MMEL1: variants seen among roughly 807,000 people sequenced by gnomAD.
The protein encoded by MMEL1 is membrane metallo-endopeptidase-like 1.
In MMEL1, 98 loss-of-function variants were observed where a neutral mutation model predicts 117.1. The observed-to-expected ratio is 0.84, with a 90% CI of 0.71 to 0.99. The LOEUF (loss-of-function observed/expected upper bound fraction) is 0.99. MMEL1 is among the 50% of genes least tolerant of loss of function. MMEL1 has a pLI of 0.00. For synonymous variants in MMEL1, 390 were observed against 415.1 expected (o/e 0.94, Z 0.74); for missense variants, 1,014 against 1,049.1 (o/e 0.97, Z 0.46).
chr1:2,631,043 G>A (rs974230435), intron 1 of MMEL1, among the ~76,000 whole-genome samples: 1 of 150,256 alleles, frequency 6.7e-6, no homozygotes, highest in Non-Finnish European at 1.5e-5. Context: ...GTGTGTGGGT[G>A]TGCACGTGTG....
chr1:2,600,324 T>C (rs959379620), intron 11 of MMEL1, among the ~76,000 whole-genome samples: 1 of 152,138 alleles, frequency 6.6e-6, no homozygotes, highest in Non-Finnish European at 1.5e-5. Flanking sequence ...TCTACTATTA[T>C]GACATCAGCA....
At position 2,629,425 on chromosome 1, in the gene MMEL1, C is replaced by T; in HGVS notation, c.60G>A (p.Lys20=). The change falls in exon 2 of 24, where the codon AAG becomes AAA. Residue 20 remains lysine, a synonymous_variant. Coordinates refer to ENST00000378412, the MANE Select transcript of MMEL1 (RefSeq NM_033467.4). ...GCCCCCCCTCCAGGAACCCCGGGCG[C>T]TTCTGCCCTGCACGGCCGGCGCTCT... ...MVESAGRAGQ[K]RPGFLEGGLL... is the part of the protein sequence containing the mutation. 3.2e-6 allele frequency: 5 copies of T among 1,545,624 alleles called. No individual in the cohort carries two copies. Among genetic ancestry groups the T allele is most frequent in the Middle Eastern group, 1.8e-4 (1 of 5,466 alleles).
chr1:2,629,592 G>C, intron 1 of MMEL1, 71 bp from the exon 2 acceptor site: 1 of 1,328,394 alleles, frequency 7.5e-7, no homozygotes, highest in South Asian at 1.6e-5. Context: ...GGCTGGAAGG[G>C]CCGGATGCTG....
rs376630580 is a variant in MMEL1 at position 2,596,004 on chromosome 1, C to T, written c.1500+5G>A. 36 of 1,613,488 alleles carry T rather than the reference C, an allele frequency of 2.2e-5. No individual in the cohort carries two copies. In the African/African-American group the frequency reaches 2.9e-4, roughly 13 times the overall value. On this transcript the variant is annotated splice_donor_5th_base_variant and intron_variant, in intron 15 of 23. Transcript: ENST00000378412. Reference sequence around the variant, plus strand: ...GGGCTGCCCTGACCTCTGCGAGCCACATACCTTCTCCTGCGCCTTCTTCTT... The same window carrying T: ...GGGCTGCCCTGACCTCTGCGAGCCATATACCTTCTCCTGCGCCTTCTTCTT...
intron 9 of MMEL1, among the ~76,000 whole-genome samples, chr1:2,605,316 G>T (rs1645004409): frequency 6.6e-6 from 1 of 152,178 alleles, no homozygotes; most frequent in Non-Finnish European, 1.5e-5. Context: ...TGCCCCATGG[G>T]GCTGCTGCTG....
rs1473651788 is a variant in MMEL1 at position 2,606,971 on chromosome 1, T to C, written c.631+3A>G. On this transcript the variant is annotated splice_donor_region_variant and intron_variant, in intron 7 of 23. Transcript: ENST00000378412. ...GTGAGGCTGCTGCCAGGCCCGGCCTTACCTACGGTCTCGTTCCACCTGTCC... is the reference window on the plus strand; with the variant it reads ...GTGAGGCTGCTGCCAGGCCCGGCCTCACCTACGGTCTCGTTCCACCTGTCC... 1 of 1,611,816 alleles carries C rather than the reference T, an allele frequency of 6.2e-7. No homozygotes were observed. Among genetic ancestry groups the C allele is most frequent in the South Asian group, 1.1e-5 (1 of 91,078 alleles).
chr1:2,603,782 G>T, intron 11 of MMEL1, 102 bp downstream of exon 11: 2 of 1,040,260 alleles, frequency 1.9e-6, no homozygotes, highest in Non-Finnish European at 2.9e-6. Context: ...GAATGTTTCT[G>T]AGCTTAAATG....
rs1638437679 is a variant in MMEL1 at position 2,629,432 on chromosome 1, C to G, written c.53G>C (p.Gly18Ala). The change falls in exon 2 of 24, where the codon GGG becomes GCG. Residue 18 changes from glycine (G) to alanine (A), a missense_variant. Transcript: ENST00000378412. ...CTCCAGGAACCCCGGGCGCTTCTGCCCTGCACGGCCGGCGCTCTCCACCAT... is the reference window on the plus strand; with the variant it reads ...CTCCAGGAACCCCGGGCGCTTCTGCGCTGCACGGCCGGCGCTCTCCACCAT... ...VGMVESAGRA[G>A]QKRPGFLEGG... 6.5e-7 allele frequency: 1 copy of G among 1,544,908 alleles called. No individual in the cohort carries two copies. Among genetic ancestry groups the G allele is most frequent in the Non-Finnish European group, 8.7e-7 (1 of 1,145,706 alleles).
intron 2 of MMEL1, among the ~76,000 whole-genome samples, chr1:2,620,935 C>A (rs999077975): frequency 3.9e-5 from 6 of 152,120 alleles, no homozygotes; most frequent in Non-Finnish European, 7.4e-5. Flanking sequence ...GTTGGACATG[C>A]CCCATTATAC....
At chr1:2,594,289 T>A (rs1238716075) in intron 18 of MMEL1, 96 bp downstream of exon 18, 4 of 1,273,560 alleles carry the variant, frequency 3.1e-6, no homozygotes, top group Non-Finnish European at 4.5e-6. Context: ...CAGGCTGGGG[T>A]GCCCCCAGGA....
At chr1:2,592,188 C>G (rs1644731315) in intron 21 of MMEL1, among the ~76,000 whole-genome samples, 161 bp from the exon 22 acceptor site, 1 of 149,394 alleles carries the variant, frequency 6.7e-6, no homozygotes, top group African/African-American at 2.5e-5. Context: ...CGCTCACCAC[C>G]TCAGTCACTC....
At chr1:2,630,931 G>A (rs1638544826) in intron 1 of MMEL1, among the ~76,000 whole-genome samples, 1 of 151,420 alleles carries the variant, frequency 6.6e-6, no homozygotes, top group Non-Finnish European at 1.5e-5. Context: ...GCATGATTGT[G>A]TGCGTGGATA....
At chr1:2,615,911 C>T (rs894841073) in intron 2 of MMEL1, among the ~76,000 whole-genome samples, 1 of 152,138 alleles carries the variant, frequency 6.6e-6, no homozygotes, top group Non-Finnish European at 1.5e-5. Context: ...AGATATAAAT[C>T]TACCCCAAGA....
Position 2,606,330 on chromosome 1 carries a change from A to G in MMEL1, c.668T>C (p.Met223Thr). 1 of 1,612,294 alleles carries G rather than the reference A, an allele frequency of 6.2e-7. No homozygotes were observed. Among genetic ancestry groups the G allele is most frequent in the Non-Finnish European group, 8.5e-7 (1 of 1,179,852 alleles). Residue 223 changes from methionine to threonine, a missense_variant, in exon 8 of 24, where the codon ATG (methionine) becomes ACG (threonine). Coordinates refer to ENST00000378412, the MANE Select transcript of MMEL1 (RefSeq NM_033467.4). ...GACGCGCCTGTTGAACTGTGAGTTC[A>G]TCAGCGCCAGCTGCCGCTCCAGCTC... ...EWELERQLAL[M>T]NSQFNRRVLI...
At position 2,590,988 on chromosome 1, in the gene MMEL1, G is replaced by A. The variant is rs774186591; in HGVS notation, c.*2C>T. The A allele has an allele frequency of 6.3e-6, 10 of 1,581,090 alleles. No individual in the cohort carries two copies. Among genetic ancestry groups the A allele is most frequent in the Middle Eastern group, 4.2e-4 (2 of 4,708 alleles). On this transcript the variant is annotated 3_prime_UTR_variant, in exon 24 of 24. Coordinates refer to ENST00000378412, the MANE Select transcript of MMEL1 (RefSeq NM_033467.4). ...GGGCCGCACAGCGCGGCAGGGCCTT[G>A]GCTACCACACGCGGCATCGCTCCTT...
chr1:2,605,049 G>C (rs1036735943), intron 9 of MMEL1, among the ~76,000 whole-genome samples: 1 of 152,128 alleles, frequency 6.6e-6, no homozygotes, highest in South Asian at 2.1e-4. Flanking sequence ...CTCTGCCCTG[G>C]TGCTGGATGC....
intron 6 of MMEL1, among the ~76,000 whole-genome samples, chr1:2,608,602 CAT>C (rs776999224): frequency 2.0e-5 from 3 of 151,950 alleles, no homozygotes; most frequent in Non-Finnish European, 2.9e-5. Flanking sequence ...ACAGTACACA[CAT>C]ATACACATAA....
chr1:2,595,153 G>T lies in MMEL1; in HGVS notation c.1584+123C>A. 1.1e-6 allele frequency: 1 copy of T among 882,866 alleles called. No individual in the cohort carries two copies. Among genetic ancestry groups the T allele is most frequent in the Non-Finnish European group, 1.8e-6 (1 of 560,452 alleles). The allele number at this position is 882,866 out of a possible 1,614,324, so 54.7% of individuals were successfully genotyped here. A position where few individuals can be genotyped will look rare whatever the true frequency, so the allele number is the denominator to read the frequency against. ...GCTGGAGCCACCACCCTAGGGCACG[G>T]TGAGGACAGCTGTGTTAGCGCCTGG... is the stretch of plus-strand genomic sequence containing the variant. On this transcript the variant is annotated intron_variant, in intron 16 of 23. Coordinates refer to ENST00000378412, the MANE Select transcript of MMEL1 (RefSeq NM_033467.4). This position sits in a 1 kb window ranked among gnomAD's most constrained non-coding sequence, Gnocchi z 4.8.
chr1:2,591,840 TG>T, intron 22 of MMEL1, 91 bp downstream of exon 22: 2 of 1,325,308 alleles, frequency 1.5e-6, no homozygotes, highest in Non-Finnish European at 2.2e-6. Flanking sequence ...CCTTCCATGC[TG>T]GGCTCTGGTC....
Sources: allele counts gnomAD v4.1 joint callset (sites outside exome capture counted in the v4.1 genomes callset), GRCh38; gene constraint gnomAD v4.1.1; non-coding constraint Gnocchi (gnomAD v3.1); transcripts MANE v1.5; gene names NCBI Gene and HGNC (gene_info 2026-07-23, HGNC 2026-07-21).